DPH6: variants seen among roughly 807,000 people sequenced by gnomAD.
The protein encoded by DPH6 is diphthine--ammonia ligase.
A neutral mutation model predicts 38.2 loss-of-function variants in DPH6; 33 were observed. That is an observed-to-expected ratio of 0.86 (90% confidence interval 0.65 to 1.15). The LOEUF is 1.15. Among genes scored for constraint, DPH6 ranks in the 50% most tolerant of loss-of-function variants. DPH6 has a pLI of 0.00. For synonymous variants in DPH6, 108 were observed against 103.0 expected (o/e 1.05, Z -0.30); for missense variants, 325 against 320.0 (o/e 1.02, Z -0.12).
chr15:35,357,758 T>C (rs1173267835), intron 3 of DPH6, among the ~76,000 whole-genome samples: 2 of 152,234 alleles, frequency 1.3e-5, no homozygotes, highest in Non-Finnish European at 2.9e-5. Context: ...CTGCTGTTAA[T>C]CTGATAGGTT....
intron 3 of DPH6, among the ~76,000 whole-genome samples, chr15:35,281,770 G>A (rs1276772897): frequency 1.3e-5 from 2 of 152,168 alleles, no homozygotes; most frequent in Non-Finnish European, 2.9e-5. Flanking sequence ...TACAGCTTAA[G>A]GAAGAATATG....
At chr15:35,236,200 A>G (rs2051549710) in intron 3 of DPH6, among the ~76,000 whole-genome samples, 1 of 152,260 alleles carries the variant, frequency 6.6e-6, no homozygotes, top group Non-Finnish European at 1.5e-5. Flanking sequence ...CTAGGTCCAT[A>G]TAAGTAGTCA....
intron 5 of DPH6, among the ~76,000 whole-genome samples, chr15:35,448,212 A>G (rs1001148910): frequency 6.6e-6 from 1 of 152,134 alleles, no homozygotes; most frequent in African/African-American, 2.4e-5. Context: ...CATGAGGTCT[A>G]TAATTATATG....
chr15:35,200,897 T>C, the DPH6 span, among the ~76,000 whole-genome samples: 1 of 150,618 alleles, frequency 6.6e-6, no homozygotes, highest in Non-Finnish European at 1.5e-5. Context: ...TTGTAGAATA[T>C]ATTATAATTA....
At chr15:35,327,287 A>G (rs1453085257), downstream of DPH6, among the ~76,000 whole-genome samples, 2 of 151,174 alleles carry the variant, frequency 1.3e-5, no homozygotes, top group East Asian at 3.9e-4. Context: ...GAAATCAAAT[A>G]TAATTTTTCT....
At chr15:35,474,604 G>A (rs1348420661) in intron 3 of DPH6, among the ~76,000 whole-genome samples, 1 of 152,102 alleles carries the variant, frequency 6.6e-6, no homozygotes, top group African/African-American at 2.4e-5. Flanking sequence ...TAGGAACCAT[G>A]AGAAAAAGAA....
intron 3 of DPH6, among the ~76,000 whole-genome samples, chr15:35,495,835 T>C (rs2054542205): frequency 6.6e-6 from 1 of 152,170 alleles, no homozygotes; most frequent in Admixed American, 6.5e-5. Flanking sequence ...TTTAAAAAGT[T>C]TTCTAATGGC....
chr15:35,530,699 G>C (rs756174700), intron 3 of DPH6, among the ~76,000 whole-genome samples: 5 of 152,168 alleles, frequency 3.3e-5, no homozygotes, highest in Admixed American at 6.5e-5. Flanking sequence ...ATAGATGAAG[G>C]CTTTGAACCT....
At chr15:35,339,266 C>G (rs1409894739) in intron 3 of DPH6, among the ~76,000 whole-genome samples, 1 of 151,380 alleles carries the variant, frequency 6.6e-6, no homozygotes, top group Non-Finnish European at 1.5e-5. Flanking sequence ...TACATTGTCT[C>G]TTTGTTCTCA....
At chr15:35,270,227 T>C (rs2051814093) in intron 3 of DPH6, among the ~76,000 whole-genome samples, 1 of 152,006 alleles carries the variant, frequency 6.6e-6, no homozygotes, top group East Asian at 1.9e-4. Context: ...AAATAAGAAA[T>C]AAAAAAGAAG....
At chr15:35,502,757 T>G (rs2141199429) in intron 3 of DPH6, among the ~76,000 whole-genome samples, 1 of 151,688 alleles carries the variant, frequency 6.6e-6, no homozygotes, top group East Asian at 1.9e-4. Flanking sequence ...GTTATTTAAC[T>G]TATTTGTTAA....
chr15:35,370,057 C>T (rs1482838290), downstream of DPH6, among the ~76,000 whole-genome samples: 1 of 151,626 alleles, frequency 6.6e-6, no homozygotes, highest in Non-Finnish European at 1.5e-5. Flanking sequence ...CAGAAATAGA[C>T]CACACAAATA....
At chr15:35,251,135 A>G (rs2051670794) in intron 3 of DPH6, among the ~76,000 whole-genome samples, 1 of 152,168 alleles carries the variant, frequency 6.6e-6, no homozygotes, top group Non-Finnish European at 1.5e-5. Flanking sequence ...ACAATCTCCC[A>G]AACTTGACAT....
chr15:35,480,721 T>C (rs1353478956), intron 3 of DPH6, among the ~76,000 whole-genome samples: 1 of 151,920 alleles, frequency 6.6e-6, no homozygotes, highest in Admixed American at 6.6e-5. Flanking sequence ...AGGTTGGATA[T>C]ATAGTCTTTA....
At chr15:35,524,501 TA>T (rs1442698934) in intron 3 of DPH6, among the ~76,000 whole-genome samples, 1 of 152,188 alleles carries the variant, frequency 6.6e-6, no homozygotes, top group African/African-American at 2.4e-5. Context: ...ATGCACTATA[TA>T]TGTACTGTAA....
chr15:35,287,138 A>T (rs1419758836), intron 3 of DPH6, among the ~76,000 whole-genome samples: 1 of 152,212 alleles, frequency 6.6e-6, no homozygotes, highest in Non-Finnish European at 1.5e-5. Context: ...ACAACTCAGT[A>T]AACAGGCTTT....
At chr15:35,522,912 T>C (rs942632919) in intron 3 of DPH6, among the ~76,000 whole-genome samples, 2 of 152,140 alleles carry the variant, frequency 1.3e-5, no homozygotes, top group South Asian at 2.1e-4. Flanking sequence ...TAAAAATATA[T>C]ACAGATGTAT....
chr15:35,392,524 ATAAT>A (rs2053074205), intron 6 of DPH6, among the ~76,000 whole-genome samples: 1 of 152,198 alleles, frequency 6.6e-6, no homozygotes, highest in African/African-American at 2.4e-5. Flanking sequence ...AACATAGAAG[ATAAT>A]TCATTCATAA....
At chr15:35,467,974 C>T (rs1369335443) in intron 3 of DPH6, among the ~76,000 whole-genome samples, 1 of 152,222 alleles carries the variant, frequency 6.6e-6, no homozygotes, top group African/African-American at 2.4e-5. Flanking sequence ...ACACCGTATA[C>T]ATGGTCCTTT....
Sources: allele counts gnomAD v4.1 joint callset (sites outside exome capture counted in the v4.1 genomes callset), GRCh38; gene constraint gnomAD v4.1.1; transcripts MANE v1.5; gene names NCBI Gene and HGNC (gene_info 2026-07-23, HGNC 2026-07-21).